GRIP1: variants seen among roughly 807,000 people sequenced by gnomAD.
GRIP1 encodes glutamate receptor interacting protein 1.
A neutral mutation model predicts 129.9 loss-of-function variants in GRIP1; 45 were observed. The ratio of observed to expected loss-of-function variants is 0.35; its 90% confidence interval spans 0.27 to 0.44. The LOEUF is 0.44. Among genes scored for constraint, GRIP1 ranks in the 20% least tolerant of loss-of-function variants. GRIP1 has a pLI of 1.00. For missense variants in GRIP1, 1,196 were observed against 1,396.8 expected (o/e 0.86, Z 2.29); for synonymous variants, 530 against 520.8 (o/e 1.02, Z -0.24).
At chr12:66,631,419 G>A (rs945724179) in intron 1 of GRIP1, among the ~76,000 whole-genome samples, 2 of 152,122 alleles carry the variant, frequency 1.3e-5, no homozygotes, top group African/African-American at 4.8e-5. Context: ...TCTGCTTACT[G>A]CTCTGATAAA....
intron 7 of GRIP1, among the ~76,000 whole-genome samples, chr12:66,478,559 C>T (rs2059695509): frequency 6.6e-6 from 1 of 152,118 alleles, no homozygotes; most frequent in African/African-American, 2.4e-5. Context: ...AATCATGCTG[C>T]TGTAAAGACA....
At chr12:66,679,081 A>G, upstream of GRIP1, 3 of 1,504,280 alleles carry the variant, frequency 2.0e-6, no homozygotes, top group Non-Finnish European at 2.7e-6. Flanking sequence ...TCATCTGGCA[A>G]ATCTGTGTCA....
At chr12:66,792,661 T>C (rs976703274) in intron 1 of GRIP1, among the ~76,000 whole-genome samples, 6 of 152,194 alleles carry the variant, frequency 3.9e-5, no homozygotes, top group African/African-American at 1.4e-4. Flanking sequence ...GATCTCTGTC[T>C]CATTTAAATA....
At chr12:66,818,013 T>C (rs927358561) in intron 1 of GRIP1, among the ~76,000 whole-genome samples, 1 of 152,162 alleles carries the variant, frequency 6.6e-6, no homozygotes, top group East Asian at 1.9e-4. Context: ...TTTCAGATAA[T>C]TGTGGATATT....
intron 1 of GRIP1, among the ~76,000 whole-genome samples, chr12:67,055,165 T>C (rs1267074657): frequency 6.6e-6 from 1 of 152,098 alleles, no homozygotes; most frequent in African/African-American, 2.4e-5. Context: ...ACTAGGAAAA[T>C]TGCAGATAAA....
At chr12:66,989,076 A>T (rs972568884) in intron 1 of GRIP1, among the ~76,000 whole-genome samples, 2 of 152,234 alleles carry the variant, frequency 1.3e-5, no homozygotes, top group African/African-American at 4.8e-5. Context: ...TTAGTCTCAT[A>T]GGACACCTTA....
intron 1 of GRIP1, among the ~76,000 whole-genome samples, chr12:67,023,209 C>T (rs1362454081): frequency 6.6e-6 from 1 of 151,972 alleles, no homozygotes; most frequent in South Asian, 2.1e-4. Context: ...TTTGCCTAAC[C>T]CAAAGTCATA....
intron 1 of GRIP1, among the ~76,000 whole-genome samples, chr12:66,941,373 G>T (rs143960869): frequency 9.6e-4 from 146 of 152,302 alleles, no homozygotes; most frequent in African/African-American, 3.4e-3. Context: ...TAGCATGAAT[G>T]ACATGTGGTT....
chr12:66,395,449 G>A (rs554579060), intron 16 of GRIP1, among the ~76,000 whole-genome samples: 6 of 152,170 alleles, frequency 3.9e-5, no homozygotes, highest in Admixed American at 6.5e-5. Context: ...GCAGCTGTTC[G>A]TTTACGATAT....
chr12:66,611,377 C>T (rs2064785570), intron 1 of GRIP1, among the ~76,000 whole-genome samples: 2 of 152,156 alleles, frequency 1.3e-5, no homozygotes, highest in Non-Finnish European at 2.9e-5. Flanking sequence ...CAAATATCTA[C>T]AAACCTAATT....
Position 66,892,177 on chromosome 12 carries a change from C to G in GRIP1, c.58+176873G>C, listed in dbSNP as rs184098827. The stretch of plus-strand genomic sequence containing the variant: ...AGTAGGGATGGTGACAGGGTAGTGA[C>G]AGCTGGAGACTCTGGCTCTTAAAGT... On this transcript the variant is annotated intron_variant, in intron 1 of 1. Coordinates refer to the GRIP1 transcript ENST00000643019. 2.7e-3 allele frequency among the ~76,000 whole-genome samples: 411 copies of G among 152,194 alleles called. 1 individual carries two copies. The highest frequency in any genetic ancestry group is 6.8e-3 in the Middle Eastern group (2 of 294).
At chr12:66,764,612 T>C (rs772488075) in intron 1 of GRIP1, among the ~76,000 whole-genome samples, 1 of 152,236 alleles carries the variant, frequency 6.6e-6, no homozygotes, top group East Asian at 1.9e-4. Flanking sequence ...AAATCATGGA[T>C]ACATTCTAGA....
chr12:66,602,142 G>C (rs2064304329), intron 1 of GRIP1, among the ~76,000 whole-genome samples: 1 of 152,072 alleles, frequency 6.6e-6, no homozygotes, highest in African/African-American at 2.4e-5. Context: ...TTTGTGTGGT[G>C]GGGAGCCATA....
intron 1 of GRIP1, among the ~76,000 whole-genome samples, chr12:67,063,816 G>C (rs1012249057): frequency 5.9e-5 from 9 of 152,274 alleles, no homozygotes; most frequent in Middle Eastern, 3.4e-3. Context: ...GCAGAAGAAA[G>C]TATTAACTGA....
At chr12:66,453,370 T>A (rs1167083313) in intron 11 of GRIP1, among the ~76,000 whole-genome samples, 1 of 152,172 alleles carries the variant, frequency 6.6e-6, no homozygotes, top group Non-Finnish European at 1.5e-5. Flanking sequence ...CCTGTTTTTG[T>A]CACTGAGGAG....
At chr12:67,013,094 A>G (rs189428340) in intron 1 of GRIP1, among the ~76,000 whole-genome samples, 1 of 152,338 alleles carries the variant, frequency 6.6e-6, no homozygotes. Flanking sequence ...ATAAATTACC[A>G]AGTCACATAA....
chr12:66,926,120 A>G (rs1566081225), intron 1 of GRIP1, among the ~76,000 whole-genome samples: 1 of 152,210 alleles, frequency 6.6e-6, no homozygotes, highest in Non-Finnish European at 1.5e-5. Flanking sequence ...ACATTCTGCA[A>G]GGAGTGCTTC....
chr12:66,394,730 A>G (rs1372286069), intron 16 of GRIP1, among the ~76,000 whole-genome samples: 1 of 152,210 alleles, frequency 6.6e-6, no homozygotes, highest in Non-Finnish European at 1.5e-5. Flanking sequence ...ATGAGAGGAG[A>G]GAGTCACTCA....
intron 1 of GRIP1, among the ~76,000 whole-genome samples, chr12:66,879,943 G>A (rs1288195475): frequency 6.6e-6 from 1 of 152,066 alleles, no homozygotes; most frequent in Non-Finnish European, 1.5e-5. Context: ...GTGTAAGAAA[G>A]AGTGAACCCA....
Sources: gnomAD v4.1 joint callset for allele counts (sites outside exome capture counted in the v4.1 genomes callset) on GRCh38, gnomAD v4.1.1 for gene constraint, MANE v1.5 for transcripts, NCBI Gene and HGNC (gene_info 2026-07-23, HGNC 2026-07-21) for gene names.